Variants in ADAMTSL1 observed in about 807,000 individuals in gnomAD.
ADAMTSL1 encodes the protein ADAMTS-like protein 1.
ADAMTSL1 carries 126 observed loss-of-function variants against 201.8 expected under a neutral mutation model. That is an observed-to-expected ratio of 0.62 (90% CI 0.54 to 0.72). ADAMTSL1 has a LOEUF of 0.72. Ranked by LOEUF, ADAMTSL1 falls within the 30% of genes least tolerant of loss-of-function variation. ADAMTSL1 has a pLI of 0.00. For synonymous variants in ADAMTSL1, 1,121 were observed against 903.4 expected (o/e 1.24, Z -4.32); for missense variants, 2,679 against 2,277.8 (o/e 1.18, Z -3.59).
intron 23 of ADAMTSL1, among the ~76,000 whole-genome samples, chr9:18,856,296 A>C (rs1826842613): frequency 6.6e-6 from 1 of 152,180 alleles, no homozygotes; most frequent in African/African-American, 2.4e-5. Context: ...TTTTATACAA[A>C]CCTTGATTAT....
chr9:17,939,403 G>C lies in ADAMTSL1; in HGVS notation c.87+32481G>C, dbSNP rs62550003. 4.0e-5 allele frequency among the ~76,000 whole-genome samples: 6 copies of C among 150,968 alleles called. No homozygotes were observed. The East Asian group carries it at 1.2e-3, about 29-fold the overall frequency. On this transcript the variant is annotated intron_variant, in intron 1 of 29. Transcript: ENST00000680146. Reference sequence around the variant, plus strand: ...GTCCCCTTTCTACCATTTTTTTTGGGTCATGAATTATGTTTTATGCTGTAT... The same window carrying C: ...GTCCCCTTTCTACCATTTTTTTTGGCTCATGAATTATGTTTTATGCTGTAT...
intron 5 of ADAMTSL1, among the ~76,000 whole-genome samples, chr9:18,634,472 A>T (rs1359644388): frequency 6.6e-6 from 1 of 152,014 alleles, no homozygotes; most frequent in Non-Finnish European, 1.5e-5. Context: ...CTGAAGTAGG[A>T]GGATCTCTTG....
At chr9:18,867,339 T>C (rs111985659) in intron 23 of ADAMTSL1, among the ~76,000 whole-genome samples, 3,963 of 152,378 alleles carry the variant, frequency 0.026, 123 homozygotes, top group South Asian at 0.13. Context: ...GTACAGCAAT[T>C]GTTTTAAACT....
At chr9:18,100,212 C>T (rs1824455979) in intron 1 of ADAMTSL1, among the ~76,000 whole-genome samples, 1 of 152,116 alleles carries the variant, frequency 6.6e-6, no homozygotes, top group Non-Finnish European at 1.5e-5. Context: ...TTTTGGCTTT[C>T]AGTAACTTTG....
At chr9:18,832,399 C>T (rs1825044941) in intron 23 of ADAMTSL1, among the ~76,000 whole-genome samples, 1 of 152,126 alleles carries the variant, frequency 6.6e-6, no homozygotes, top group African/African-American at 2.4e-5. Context: ...CTGTGGAAGC[C>T]ATGAATATAA....
intron 2 of ADAMTSL1, among the ~76,000 whole-genome samples, chr9:18,186,257 G>T (rs1426998696): frequency 6.6e-6 from 1 of 152,148 alleles, no homozygotes; most frequent in Non-Finnish European, 1.5e-5. Flanking sequence ...CTGTGAAACA[G>T]CTAGTAAGGA....
At chr9:18,863,872 T>C (rs148753245) in intron 23 of ADAMTSL1, among the ~76,000 whole-genome samples, 4,108 of 152,238 alleles carry the variant, frequency 0.027, 86 homozygotes, top group South Asian at 0.045. Context: ...ACTGAGTGTT[T>C]TCCAGTTTTG....
chr9:18,002,429 G>T (rs1202699434), intron 1 of ADAMTSL1, among the ~76,000 whole-genome samples: 1 of 152,048 alleles, frequency 6.6e-6, no homozygotes, highest in East Asian at 1.9e-4. Flanking sequence ...AAAGGGCTAT[G>T]ATAGATAGTG....
At chr9:18,876,034 G>T (rs956487599) in intron 23 of ADAMTSL1, among the ~76,000 whole-genome samples, 4 of 152,086 alleles carry the variant, frequency 2.6e-5, no homozygotes, top group African/African-American at 9.7e-5. Context: ...TTTAAAGTCT[G>T]TTTTGTCTGG....
At chr9:18,201,411 G>C (rs1829439616) in intron 2 of ADAMTSL1, among the ~76,000 whole-genome samples, 1 of 152,062 alleles carries the variant, frequency 6.6e-6, no homozygotes, top group South Asian at 2.1e-4. Context: ...CACTTATTTA[G>C]TTACTTTCAT....
At chr9:18,441,675 G>A (rs1381664489) in intron 2 of ADAMTSL1, among the ~76,000 whole-genome samples, 2 of 140,940 alleles carry the variant, frequency 1.4e-5, no homozygotes, top group Non-Finnish European at 3.3e-5. Context: ...GTTTGTAAAA[G>A]GAATCCATTT....
chr9:17,951,145 CA>C lies in ADAMTSL1; in HGVS notation c.87+44224del, dbSNP rs371245383. Among the ~76,000 whole-genome samples, 316 of 152,302 alleles carry C rather than the reference CA, an allele frequency of 2.1e-3. 2 individuals are homozygous for C. The highest frequency in any genetic ancestry group is 7.3e-3 in the African/African-American group (305 of 41,576). On this transcript the variant is annotated intron_variant, in intron 1 of 29. Transcript: ENST00000680146. ...TGGATAGATGAACTCGCCTAGAGCA[CA>C]GGGGGCAAGGGAGTCCTTAGGGATT...
At chr9:18,178,349 T>C (rs1319081624) in intron 2 of ADAMTSL1, among the ~76,000 whole-genome samples, 1 of 152,162 alleles carries the variant, frequency 6.6e-6, no homozygotes, top group African/African-American at 2.4e-5. Context: ...CAGGAGATTA[T>C]ATCCTGCACC....
At chr9:18,501,508 A>C (rs1268467741) in intron 1 of ADAMTSL1, among the ~76,000 whole-genome samples, 1 of 151,174 alleles carries the variant, frequency 6.6e-6, no homozygotes. Context: ...GGTCTCAAAA[A>C]AAAAAAAAAA....
intron 4 of ADAMTSL1, among the ~76,000 whole-genome samples, chr9:18,614,078 T>C (rs760378076): frequency 6.6e-6 from 1 of 151,948 alleles, no homozygotes; most frequent in Non-Finnish European, 1.5e-5. Context: ...GATGAGAAAG[T>C]GTTTGTTGTG....
intron 2 of ADAMTSL1, among the ~76,000 whole-genome samples, chr9:18,374,531 C>T (rs1837199597): frequency 6.6e-6 from 1 of 151,940 alleles, no homozygotes; most frequent in Non-Finnish European, 1.5e-5. Context: ...TAGGTTTTTG[C>T]CATGTTGCCC....
intron 14 of ADAMTSL1, among the ~76,000 whole-genome samples, chr9:18,720,758 G>T (rs966469935): frequency 6.6e-6 from 1 of 152,094 alleles, no homozygotes; most frequent in Non-Finnish European, 1.5e-5. Context: ...ACTCCAGCCT[G>T]GGCAAGATTC....
At chr9:18,273,289 C>T (rs74717460) in intron 2 of ADAMTSL1, among the ~76,000 whole-genome samples, 23 of 152,190 alleles carry the variant, frequency 1.5e-4, no homozygotes, top group Non-Finnish European at 2.1e-4. Context: ...CCATGTTGGC[C>T]AGTTTAGTCT....
intron 2 of ADAMTSL1, among the ~76,000 whole-genome samples, chr9:18,335,054 A>G (rs1045759072): frequency 1.3e-5 from 2 of 152,122 alleles, no homozygotes; most frequent in Non-Finnish European, 2.9e-5. Flanking sequence ...TAATAACTTG[A>G]AGGTTACGTA....
Sources: allele counts gnomAD v4.1 joint callset (sites outside exome capture counted in the v4.1 genomes callset), GRCh38; gene constraint gnomAD v4.1.1; transcripts MANE v1.5; gene names NCBI Gene and HGNC (gene_info 2026-07-23, HGNC 2026-07-21).